Variants in MYADML2 observed in about 807,000 individuals in gnomAD.
MYADML2 encodes the protein myeloid associated differentiation marker like 2.
MYADML2 carries 17 observed loss-of-function variants against 16.0 expected under a neutral mutation model. The ratio of observed to expected loss-of-function variants is 1.06; its 90% CI spans 0.73 to 1.60. MYADML2 has a LOEUF of 1.60. MYADML2 is among the 40% of genes most tolerant of loss of function. The pLI is 0.00. For missense variants in MYADML2, 422 were observed against 437.7 expected, an observed-to-expected ratio of 0.96 and a Z score of 0.32; for synonymous variants, 210 against 208.1, an observed-to-expected ratio of 1.01 and a Z score of -0.08.
chr17:81,944,373 A>C (rs2041328330), intron 1 of MYADML2, among the ~76,000 whole-genome samples: 1 of 147,268 alleles, frequency 6.8e-6, no homozygotes, highest in Non-Finnish European at 1.5e-5. Context: ...CTGAGATCGC[A>C]ACAGAGCGAG....
Position 81,941,228 on chromosome 17 carries a change from C to T in MYADML2, c.514G>A (p.Ala172Thr), listed in dbSNP as rs2041300137. Reference sequence around the variant, plus strand: ...CCGAAGATGATGCAGGCCACGAAGGCCTGGACGATCTTGAGGAGCCCCGAC... The same window carrying T: ...CCGAAGATGATGCAGGCCACGAAGGTCTGGACGATCTTGAGGAGCCCCGAC... Reference protein sequence around the residue: ...TVSGLLKIVQAFVACIIFGAL... With the variant: ...TVSGLLKIVQTFVACIIFGAL... Residue 172 changes from alanine to threonine, a missense_variant, in exon 3 of 3, where the codon GCC (alanine) becomes ACC (threonine). Transcript: ENST00000409745. The T allele has an allele frequency of 2.6e-6, 4 of 1,550,196 alleles. No homozygotes were observed. The highest frequency in any genetic ancestry group is 3.5e-6 in the Non-Finnish European group (4 of 1,146,928).
intron 1 of MYADML2, among the ~76,000 whole-genome samples, chr17:81,946,434 G>A (rs1231802139): frequency 6.6e-6 from 1 of 151,740 alleles, no homozygotes; most frequent in African/African-American, 2.4e-5. Flanking sequence ...GGATCACAAG[G>A]TCAGGAGATC....
intron 1 of MYADML2, among the ~76,000 whole-genome samples, chr17:81,943,019 TC>T (rs1381607182): frequency 6.6e-6 from 1 of 152,114 alleles, no homozygotes; most frequent in Non-Finnish European, 1.5e-5. Context: ...CACTTCCACC[TC>T]TTCCATTTTT....
intron 1 of MYADML2, among the ~76,000 whole-genome samples, chr17:81,946,016 C>T (rs1291715904): frequency 6.6e-6 from 1 of 152,050 alleles, no homozygotes; most frequent in Admixed American, 6.6e-5. Context: ...GTCATCTGTC[C>T]TCAGGTTCCA....
intron 2 of MYADML2, 122 bp from the exon 3 acceptor site, chr17:81,941,965 C>T (rs986978264): frequency 1.0e-5 from 5 of 483,566 alleles, no homozygotes; most frequent in African/African-American, 3.9e-5. Context: ...TAGCAGCTTG[C>T]GTGCCTGTCC....
At position 81,940,559 on chromosome 17, in the gene MYADML2, T is replaced by A; in HGVS notation, c.*259A>T. 2.2e-6 allele frequency: 1 copy of A among 459,148 alleles called. No homozygotes were observed. The highest frequency in any genetic ancestry group is 4.6e-5 in the South Asian group (1 of 21,778). 28.4% of individuals were successfully genotyped at this position (459,148 alleles called of 1,614,324 possible). A position where few individuals can be genotyped will look rare whatever the true frequency, so the allele number is the denominator to read the frequency against. Reference sequence around the variant, plus strand: ...GAGCCCCAGGAGCGCTGGGAAATGGTGAGAGAGAGTGAGTTGGGGATTGGC... The same window carrying A: ...GAGCCCCAGGAGCGCTGGGAAATGGAGAGAGAGAGTGAGTTGGGGATTGGC... On this transcript the variant is annotated 3_prime_UTR_variant, in exon 3 of 3. Coordinates refer to ENST00000409745, the MANE Select transcript of MYADML2 (RefSeq NM_001145113.3).
At chr17:81,944,746 A>G (rs1213418853) in intron 1 of MYADML2, among the ~76,000 whole-genome samples, 1 of 152,194 alleles carries the variant, frequency 6.6e-6, no homozygotes, top group African/African-American at 2.4e-5. Flanking sequence ...TGCAGCCTCC[A>G]GGAGGGACAG....
intron 1 of MYADML2, among the ~76,000 whole-genome samples, chr17:81,946,339 G>T (rs990947935): frequency 6.7e-6 from 1 of 148,686 alleles, no homozygotes; most frequent in African/African-American, 2.5e-5. Context: ...TGGCGACAGA[G>T]CAAGACTCAG....
rs1412456995 is a variant in MYADML2, at chr17:81,941,578, A to C, written c.164T>G (p.Met55Arg). 1 of 1,548,582 alleles carries C rather than the reference A, an allele frequency of 6.5e-7. No homozygotes were observed. Among genetic ancestry groups the C allele is most frequent in the Admixed American group, 2.0e-5 (1 of 51,014 alleles). The change falls in exon 3 of 3, where the codon ATG becomes AGG. Residue 55 changes from methionine to arginine, a missense_variant. Physicochemically the swap from Met to Arg is moderately conservative, Grantham distance 91. Transcript: ENST00000409745. ...GFAGVQGTFC[M>R]AAWGFCFAVS... is the part of the protein sequence containing the mutation. ...GGCGAAGCAGAAGCCCCAGGCGGCC[A>C]TGCAGAAGGTGCCCTGGACGCCCGC...
At position 81,942,591 on chromosome 17, in the gene MYADML2, G is replaced by A. The variant is rs2041314820; in HGVS notation, c.-180-218C>T. The stretch of plus-strand genomic sequence containing the variant: ...CAACTCTTCCCTTTTTTTTTGAGAT[G>A]GAGCCTCGCTCTGTCACCCAGGCTG... On this transcript the variant is annotated intron_variant, in intron 1 of 2. Coordinates refer to ENST00000409745, the MANE Select transcript of MYADML2 (RefSeq NM_001145113.3). This position sits in a 1 kb window ranked among gnomAD's most constrained non-coding sequence, Gnocchi z 4.4. Among the ~76,000 whole-genome samples the A allele has an allele frequency of 6.6e-6, 1 of 151,520 alleles. No individual in the cohort carries two copies. The highest frequency in any genetic ancestry group is 6.6e-5 in the Admixed American group (1 of 15,258).
intron 1 of MYADML2, among the ~76,000 whole-genome samples, chr17:81,946,504 C>T (rs1176461367): frequency 1.3e-5 from 2 of 151,388 alleles, no homozygotes; most frequent in African/African-American, 4.9e-5. Flanking sequence ...AAAAATTAGC[C>T]AGGTGTGGCA....
chr17:81,941,790 C>G lies in MYADML2; in HGVS notation c.-49G>C. ...ACACAGTCCCCCAAGGCCCTGGGGT[C>G]CCTGCTGGGCCAAGGCCCCTCAGTC... is the stretch of plus-strand genomic sequence containing the variant. On this transcript the variant is annotated 5_prime_UTR_variant, in exon 3 of 3. Transcript: ENST00000409745. 6.9e-7 allele frequency: 1 copy of G among 1,444,956 alleles called. No individual in the cohort carries two copies. Among genetic ancestry groups the G allele is most frequent in the South Asian group, 1.4e-5 (1 of 69,340 alleles). The allele number at this position is 1,444,956 out of a possible 1,614,324, so 89.5% of individuals were successfully genotyped here.
In MYADML2 at chr17:81,945,701, C is replaced by CA. The variant is rs993338502; in HGVS notation, c.-181+1357dup. Among the ~76,000 whole-genome samples the CA allele has an allele frequency of 6.5e-3, 776 of 119,204 alleles. 8 individuals are homozygous for CA. Among genetic ancestry groups the CA allele is most frequent in the African/African-American group, 0.015 (480 of 31,974 alleles). The allele number at this position is 119,204 out of a possible 152,430, so 78.2% of individuals were successfully genotyped here. The stretch of plus-strand genomic sequence containing the variant: ...TGGGCAACGGAGTGAGACTCCATCT[C>CA]AAAAAAAAAAAAAAAATGAGTTGGG... On this transcript the variant is annotated intron_variant, in intron 1 of 2. Coordinates refer to ENST00000409745, the MANE Select transcript of MYADML2 (RefSeq NM_001145113.3).
intron 1 of MYADML2, among the ~76,000 whole-genome samples, chr17:81,943,798 T>C (rs1432100998): frequency 6.6e-6 from 1 of 152,128 alleles, no homozygotes; most frequent in African/African-American, 2.4e-5. Context: ...ATGTATTTCC[T>C]GGACTTTTTA....
intron 1 of MYADML2, among the ~76,000 whole-genome samples, chr17:81,946,287 A>G (rs546300929): frequency 3.9e-5 from 6 of 152,056 alleles, no homozygotes; most frequent in Admixed American, 3.9e-4. Flanking sequence ...CCCGGAAGGC[A>G]GAGGTTGCAG....
In MYADML2 at chr17:81,942,077, A is replaced by T. The variant is rs1025362047; in HGVS notation, c.-103+219T>A. The T allele has an allele frequency of 4.0e-6, 1 of 247,970 alleles. No individual in the cohort carries two copies. Among genetic ancestry groups the T allele is most frequent in the Non-Finnish European group, 7.7e-6 (1 of 129,122 alleles). 15.4% of individuals were successfully genotyped at this position (247,970 alleles called of 1,614,324 possible). A position where few individuals can be genotyped will look rare whatever the true frequency, so the allele number is the denominator to read the frequency against. ...CCACCCCCACCTCCGCCTCCCGCGC[A>T]CCTGCATCTGTCAATCCGGTCAGTT... On this transcript the variant is annotated intron_variant, in intron 2 of 2. Coordinates refer to ENST00000409745, the MANE Select transcript of MYADML2 (RefSeq NM_001145113.3). This position sits in a 1 kb window ranked among gnomAD's most constrained non-coding sequence, Gnocchi z 4.4.
At position 81,941,219 on chromosome 17, in the gene MYADML2, C is replaced by T; in HGVS notation, c.523G>A (p.Ala175Thr). Residue 175 changes from alanine (A) to threonine (T), a missense_variant, in exon 3 of 3, where the codon GCC becomes ACC. Ala to Thr is a moderately conservative substitution (Grantham distance 58). Transcript: ENST00000409745. ...GLLKIVQAFVACIIFGALVHD... is the reference protein window; with the variant it reads ...GLLKIVQAFVTCIIFGALVHD... ...ACCAGCGCCCCGAAGATGATGCAGG[C>T]CACGAAGGCCTGGACGATCTTGAGG... 6.5e-7 allele frequency: 1 copy of T among 1,550,152 alleles called. No individual in the cohort carries two copies. Among genetic ancestry groups the T allele is most frequent in the Non-Finnish European group, 8.7e-7 (1 of 1,146,924 alleles).
rs1444090713 is a variant in MYADML2 at position 81,942,575 on chromosome 17, C to T, written c.-180-202G>A. Among the ~76,000 whole-genome samples the T allele has an allele frequency of 1.3e-5, 2 of 152,194 alleles. No homozygotes were observed. The highest frequency in any genetic ancestry group is 2.9e-5 in the Non-Finnish European group (2 of 68,040). ...CACCTAGAAAAACACTCAACTCTTC[C>T]CTTTTTTTTTGAGATGGAGCCTCGC... On this transcript the variant is annotated intron_variant, in intron 1 of 2. Coordinates refer to ENST00000409745, the MANE Select transcript of MYADML2 (RefSeq NM_001145113.3). This position sits in a 1 kb window ranked among gnomAD's most constrained non-coding sequence, Gnocchi z 4.4.
rs375781972 is a variant in MYADML2 at position 81,943,622 on chromosome 17, C to T, written c.-180-1249G>A. Among the ~76,000 whole-genome samples, 26 of 149,908 alleles carry T rather than the reference C, an allele frequency of 1.7e-4. No individual in the cohort carries two copies. In the East Asian group the frequency reaches 5.2e-3, roughly 30 times the overall value. ...GTTTCACCATGTTAGCCAGGATGGT[C>T]TCGATCTCCTGACCTCGTGATCCGC... On this transcript the variant is annotated intron_variant, in intron 1 of 2. Transcript: ENST00000409745.
Sources: allele counts gnomAD v4.1 joint callset (sites outside exome capture counted in the v4.1 genomes callset), GRCh38; gene constraint gnomAD v4.1.1; non-coding constraint Gnocchi (gnomAD v3.1); transcripts MANE v1.5; gene names NCBI Gene and HGNC (gene_info 2026-07-23, HGNC 2026-07-21).